Variants in IL1RAPL1 observed in about 807,000 individuals in gnomAD.
The protein encoded by IL1RAPL1 is interleukin-1 receptor accessory protein-like 1.
IL1RAPL1 carries 3 observed loss-of-function variants against 48.4 expected under a neutral mutation model. The observed-to-expected ratio is 0.06, with a 90% CI of 0.03 to 0.16. IL1RAPL1 has a LOEUF of 0.16. Ranked by LOEUF, IL1RAPL1 falls within the 10% of genes least tolerant of loss-of-function variation. The pLI, the probability that IL1RAPL1 is intolerant of heterozygous loss-of-function variation, is 1.00. For missense variants in IL1RAPL1, 349 were observed against 530.6 expected, an observed-to-expected ratio of 0.66 and a Z score of 3.36; for synonymous variants, 185 against 187.7, an observed-to-expected ratio of 0.99 and a Z score of 0.12.
chrX:29,550,737 T>A (rs1352329276), intron 5 of IL1RAPL1, among the ~76,000 whole-genome samples: 1 of 111,867 alleles, frequency 8.9e-6, no homozygotes, highest in Non-Finnish European at 1.9e-5. Flanking sequence ...AGGGAAAAGA[T>A]GATGATCACT....
chrX:29,942,854 C>T (rs184984038), intron 9 of IL1RAPL1, among the ~76,000 whole-genome samples: 36 of 110,931 alleles, frequency 3.2e-4, no homozygotes, highest in African/African-American at 1.0e-3. Flanking sequence ...CCCCTGACCT[C>T]AGGTGATCCC....
At chrX:29,353,847 TA>T (rs753336885) in intron 3 of IL1RAPL1, among the ~76,000 whole-genome samples, 6 of 95,115 alleles carry the variant, frequency 6.3e-5, no homozygotes, top group South Asian at 9.2e-4. Flanking sequence ...TTTTTTTTTT[TA>T]AATTTGCTTA....
intron 5 of IL1RAPL1, among the ~76,000 whole-genome samples, chrX:29,576,085 A>G (rs1922764646): frequency 8.9e-6 from 1 of 112,191 alleles, no homozygotes; most frequent in South Asian, 3.7e-4. Context: ...TACCCTCTGC[A>G]TCATCATTTA....
At chrX:29,412,856 G>C (rs1214649838) in intron 5 of IL1RAPL1, among the ~76,000 whole-genome samples, 2 of 112,188 alleles carry the variant, frequency 1.8e-5, no homozygotes, top group Admixed American at 1.9e-4. Flanking sequence ...ACAGTGCTTT[G>C]GTGAGGGGTA....
At chrX:29,306,460 CA>C (rs1315318470) in intron 3 of IL1RAPL1, among the ~76,000 whole-genome samples, 1 of 89,642 alleles carries the variant, frequency 1.1e-5, no homozygotes, top group Admixed American at 1.5e-4. Flanking sequence ...ATCTGGGAGG[CA>C]GAGGTTGCAG....
chrX:29,008,906 G>A (rs1926055557), intron 2 of IL1RAPL1, among the ~76,000 whole-genome samples: 1 of 111,185 alleles, frequency 9.0e-6, no homozygotes, highest in African/African-American at 3.3e-5. Flanking sequence ...CCACTTAAAA[G>A]TGAGAACATG....
At chrX:28,773,648 C>T (rs1038484893) in intron 1 of IL1RAPL1, among the ~76,000 whole-genome samples, 8 of 111,713 alleles carry the variant, frequency 7.2e-5, no homozygotes, top group African/African-American at 2.3e-4. Flanking sequence ...CTGAAGCCAA[C>T]TCTGAAGGTT....
At chrX:29,096,482 TA>T (rs1928217928) in intron 2 of IL1RAPL1, among the ~76,000 whole-genome samples, 1 of 111,689 alleles carries the variant, frequency 9.0e-6, no homozygotes, top group Admixed American at 9.6e-5. Flanking sequence ...ACCTATAATG[TA>T]AGGTCAGTTG....
At chrX:29,001,999 A>G (rs1481714243) in intron 2 of IL1RAPL1, among the ~76,000 whole-genome samples, 1 of 108,146 alleles carries the variant, frequency 9.2e-6, no homozygotes, top group Non-Finnish European at 1.9e-5. Context: ...GAGTTCAAGC[A>G]ATTCTCCTGC....
intron 2 of IL1RAPL1, among the ~76,000 whole-genome samples, chrX:29,003,284 A>G (rs1925900696): frequency 1.8e-5 from 2 of 111,430 alleles, no homozygotes; most frequent in South Asian, 7.5e-4. Context: ...CCGATTTACT[A>G]GAGTTTAACT....
intron 1 of IL1RAPL1, among the ~76,000 whole-genome samples, chrX:28,680,367 T>C (rs1177742817): frequency 9.0e-6 from 1 of 111,572 alleles, no homozygotes; most frequent in African/African-American, 3.3e-5. Flanking sequence ...TTGTTGCCAT[T>C]AGTGTTTTTT....
chrX:29,517,437 T>C (rs1002746074), intron 5 of IL1RAPL1, among the ~76,000 whole-genome samples: 5 of 111,224 alleles, frequency 4.5e-5, no homozygotes, highest in Non-Finnish European at 9.4e-5. Context: ...TAAAATACAT[T>C]GCTGTAGTTA....
chrX:29,487,871 CG>C (rs1197658604), intron 5 of IL1RAPL1, among the ~76,000 whole-genome samples: 4 of 112,013 alleles, frequency 3.6e-5, no homozygotes, highest in African/African-American at 1.3e-4. Context: ...TTCTGCAGGA[CG>C]TGACCTTCAC....
intron 5 of IL1RAPL1, among the ~76,000 whole-genome samples, chrX:29,555,522 A>G (rs1226801986): frequency 8.9e-6 from 1 of 111,993 alleles, no homozygotes. Context: ...TTGCCACACT[A>G]TCCTCATCTC....
chrX:29,182,885 G>A (rs1163012920), intron 2 of IL1RAPL1, among the ~76,000 whole-genome samples: 3 of 111,297 alleles, frequency 2.7e-5, no homozygotes, highest in Admixed American at 9.6e-5. Context: ...ATAAGAGGGA[G>A]GCAGGAGAGT....
chrX:29,214,541 G>T (rs180698113), intron 2 of IL1RAPL1, among the ~76,000 whole-genome samples: 12 of 111,352 alleles, frequency 1.1e-4, no homozygotes, highest in African/African-American at 2.3e-4. Context: ...CATAATAAAA[G>T]AATTAAAATT....
intron 1 of IL1RAPL1, among the ~76,000 whole-genome samples, chrX:28,781,759 G>A (rs909468794): frequency 2.7e-5 from 3 of 111,117 alleles, no homozygotes; most frequent in African/African-American, 9.8e-5. Flanking sequence ...ATTTTTAGAA[G>A]CAGGATGATT....
rs993495836 is a variant in IL1RAPL1 at position 28,881,147 on chromosome X, A to G, written c.82+91722A>G. 2.7e-5 allele frequency among the ~76,000 whole-genome samples: 3 copies of G among 111,218 alleles called. No individual in the cohort carries two copies. The Admixed American group carries it at 2.9e-4, about 11-fold the overall frequency. Reference sequence around the variant, plus strand: ...TTGAGCAGTTTAAACCTAGGCTTCTACCTAGGATTTCTGACTAAATAATTT... The same window carrying G: ...TTGAGCAGTTTAAACCTAGGCTTCTGCCTAGGATTTCTGACTAAATAATTT... On this transcript the variant is annotated intron_variant, in intron 2 of 10. Transcript: ENST00000378993.
rs371179873 is a variant in IL1RAPL1 at position 29,086,106 on chromosome X, G to T, written c.83-196832G>T. Reference sequence around the variant, plus strand: ...TCACTTTCCCTCAATAATAAATATTGCTTATAGCTTAGTGGGTTGATTTCA... The same window carrying T: ...TCACTTTCCCTCAATAATAAATATTTCTTATAGCTTAGTGGGTTGATTTCA... On this transcript the variant is annotated intron_variant, in intron 2 of 10. Transcript: ENST00000378993. Among the ~76,000 whole-genome samples the T allele has an allele frequency of 3.6e-5, 4 of 111,787 alleles. No homozygotes were observed. In the East Asian group the frequency reaches 1.1e-3, roughly 31 times the overall value.
Sources: allele counts gnomAD v4.1 joint callset (sites outside exome capture counted in the v4.1 genomes callset), GRCh38; gene constraint gnomAD v4.1.1; transcripts MANE v1.5; gene names NCBI Gene and HGNC (gene_info 2026-07-23, HGNC 2026-07-21).